CACNA1B: variants seen among roughly 807,000 people sequenced by gnomAD.
CACNA1B encodes calcium voltage-gated channel subunit alpha1 B.
CACNA1B carries 70 observed loss-of-function variants against 247.2 expected under a neutral mutation model. The ratio of observed to expected loss-of-function variants is 0.28; its 90% confidence interval spans 0.23 to 0.35. The LOEUF (loss-of-function observed/expected upper bound fraction) is 0.35, where lower values mean the gene tolerates loss of function less well. CACNA1B is among the 10% of genes least tolerant of loss of function. The pLI is 1.00. For missense variants in CACNA1B, 2,367 were observed against 3,197.4 expected, an observed-to-expected ratio of 0.74 and a Z score of 6.26; for synonymous variants, 1,231 against 1,294.4, an observed-to-expected ratio of 0.95 and a Z score of 1.05.
chr9:138,025,261 G>A (rs1589076870), intron 20 of CACNA1B, 89 bp downstream of exon 20: 1 of 837,712 alleles, frequency 1.2e-6, no homozygotes, highest in East Asian at 2.7e-5. Flanking sequence ...CAGCCACTGG[G>A]GACCCAGCCT....
At position 138,014,290 on chromosome 9, in the gene CACNA1B, C is replaced by T. The variant is rs146401551; in HGVS notation, c.2267+1055C>T. 6.1e-3 allele frequency among the ~76,000 whole-genome samples: 931 copies of T among 152,202 alleles called. 8 individuals carry two copies. The highest frequency in any genetic ancestry group is 0.021 in the African/African-American group (893 of 41,540). ...AGTGCATGTGCTGAGTGTGTGCACC[C>T]CCATACCAGCCCTGATCCTGCCTGG... On this transcript the variant is annotated intron_variant, in intron 18 of 46. Coordinates refer to ENST00000371372, the MANE Select transcript of CACNA1B (RefSeq NM_000718.4). This position sits in a 1 kb window ranked among gnomAD's most constrained non-coding sequence, Gnocchi z 6.2.
intron 18 of CACNA1B, among the ~76,000 whole-genome samples, chr9:138,021,673 G>A (rs776728545): frequency 2.0e-5 from 3 of 152,248 alleles, no homozygotes; most frequent in African/African-American, 7.2e-5. Context: ...GCCTGTGTCT[G>A]ATCCTGACTC....
intron 20 of CACNA1B, among the ~76,000 whole-genome samples, chr9:138,027,872 C>T (rs1452311292): frequency 2.6e-5 from 4 of 151,838 alleles, no homozygotes; most frequent in South Asian, 4.2e-4. Flanking sequence ...TATTTTTAAG[C>T]GAGATGTGTT....
In CACNA1B at chr9:137,919,564, G is replaced by A. The variant is rs72769042; in HGVS notation, c.966+2133G>A. Among the ~76,000 whole-genome samples, 320 of 152,378 alleles carry A rather than the reference G, an allele frequency of 2.1e-3. 3 individuals carry two copies. The highest frequency in any genetic ancestry group is 3.5e-3 in the Non-Finnish European group (236 of 68,042). ...TCACTGGAGATTAGACAGGAGTTTT[G>A]AAGAGGATCCTTTGGAGAGAGCGAG... is the stretch of plus-strand genomic sequence containing the variant. On this transcript the variant is annotated intron_variant, in intron 6 of 46. Coordinates refer to ENST00000371372, the MANE Select transcript of CACNA1B (RefSeq NM_000718.4). The surrounding 1 kb of genome is among the most constrained non-coding windows in gnomAD (Gnocchi z 4.6).
chr9:137,972,356 C>T (rs149547519), intron 11 of CACNA1B, among the ~76,000 whole-genome samples: 2,940 of 152,362 alleles, frequency 0.019, 31 homozygotes, highest in Middle Eastern at 0.034. Flanking sequence ...TGCACTCACC[C>T]TGCTGGGTGT....
chr9:138,088,301 G>A (rs940104467), intron 36 of CACNA1B, among the ~76,000 whole-genome samples: 8 of 151,702 alleles, frequency 5.3e-5, no homozygotes, highest in East Asian at 1.9e-4. Flanking sequence ...CCCAGGAGGC[G>A]GAAGTTGCAG....
chr9:138,087,454 C>T (rs1322854710), intron 36 of CACNA1B, among the ~76,000 whole-genome samples: 6 of 147,516 alleles, frequency 4.1e-5, no homozygotes, highest in South Asian at 2.1e-4. Flanking sequence ...CAGTGGCTCA[C>T]GCCTGTAGTC....
At chr9:138,088,527 G>A (rs1481699912) in intron 36 of CACNA1B, among the ~76,000 whole-genome samples, 1 of 151,968 alleles carries the variant, frequency 6.6e-6, no homozygotes, top group Admixed American at 6.6e-5. Context: ...ATGAACAACT[G>A]TACACCAACA....
chr9:138,084,983 AC>A (rs1960648359), intron 36 of CACNA1B, among the ~76,000 whole-genome samples: 1 of 150,388 alleles, frequency 6.6e-6, no homozygotes, highest in South Asian at 2.1e-4. Flanking sequence ...AGGAAATCTG[AC>A]ATCACCCAAG....
rs115270914 is a variant in CACNA1B at position 137,918,916 on chromosome 9, T to C, written c.966+1485T>C. Among the ~76,000 whole-genome samples, 167 of 152,166 alleles carry C rather than the reference T, an allele frequency of 1.1e-3. 3 individuals are homozygous for C. The highest frequency in any genetic ancestry group is 3.3e-3 in the African/African-American group (136 of 41,502). Reference sequence around the variant, plus strand: ...GGAATGAGGAACAGGACAAAGCCGGTGATGAGGAGCTTGGCTGTTCTCTCT... The same window carrying C: ...GGAATGAGGAACAGGACAAAGCCGGCGATGAGGAGCTTGGCTGTTCTCTCT... On this transcript the variant is annotated intron_variant, in intron 6 of 46. Coordinates refer to ENST00000371372, the MANE Select transcript of CACNA1B (RefSeq NM_000718.4).
At chr9:138,114,317 C>A in intron 40 of CACNA1B, 61 bp from the exon 41 acceptor site, 1 of 842,580 alleles carries the variant, frequency 1.2e-6, no homozygotes, top group Non-Finnish European at 2.0e-6. Flanking sequence ...TACTTCCATA[C>A]CTTGTTTCCG....
intron 6 of CACNA1B, among the ~76,000 whole-genome samples, chr9:137,928,761 C>T (rs1029723535): frequency 1.3e-5 from 2 of 152,174 alleles, no homozygotes; most frequent in Non-Finnish European, 2.9e-5. Flanking sequence ...AAAAGAAGCC[C>T]TGTATCCATG....
intron 15 of CACNA1B, among the ~76,000 whole-genome samples, chr9:138,004,213 A>T (rs1306848847): frequency 6.6e-6 from 1 of 152,008 alleles, no homozygotes; most frequent in African/African-American, 2.4e-5. Flanking sequence ...ATGGAAGGAA[A>T]ACTGTGTGAT....
rs964352574 is a variant in CACNA1B at position 137,957,919 on chromosome 9, C to T, written c.1333+232C>T. Among the ~76,000 whole-genome samples, 1 of 152,206 alleles carries T rather than the reference C, an allele frequency of 6.6e-6. No individual in the cohort carries two copies. Among genetic ancestry groups the T allele is most frequent in the African/African-American group, 2.4e-5 (1 of 41,446 alleles). ...ATAGGGCCACCTCTCTCTTCAGCCCCTGTCTCTTTTTCACTTTCTGGACCT... is the reference window on the plus strand; with the variant it reads ...ATAGGGCCACCTCTCTCTTCAGCCCTTGTCTCTTTTTCACTTTCTGGACCT... On this transcript the variant is annotated intron_variant, in intron 10 of 46. Coordinates refer to ENST00000371372, the MANE Select transcript of CACNA1B (RefSeq NM_000718.4). This position sits in a 1 kb window ranked among gnomAD's most constrained non-coding sequence, Gnocchi z 4.7.
chr9:138,080,402 A>C (rs1458119873), intron 36 of CACNA1B, among the ~76,000 whole-genome samples: 4 of 152,164 alleles, frequency 2.6e-5, no homozygotes, highest in South Asian at 2.1e-4. Flanking sequence ...CTCGGGAGGC[A>C]GTGAGTGATG....
intron 22 of CACNA1B, 27 bp downstream of exon 22, chr9:138,047,060 C>G (rs201291653): frequency 2.5e-6 from 4 of 1,588,998 alleles, no homozygotes; most frequent in Non-Finnish European, 3.4e-6. Flanking sequence ...GCCGGGTCCC[C>G]GCCAGGCTGT....
Position 137,881,064 on chromosome 9 carries a change from A to G in CACNA1B, c.391-1680A>G, listed in dbSNP as rs544525758. Among the ~76,000 whole-genome samples, 7 of 152,200 alleles carry G rather than the reference A, an allele frequency of 4.6e-5. No individual in the cohort carries two copies. Among genetic ancestry groups the G allele is most frequent in the Admixed American group, 3.3e-4 (5 of 15,290 alleles). On this transcript the variant is annotated intron_variant, in intron 2 of 46. Coordinates refer to ENST00000371372, the MANE Select transcript of CACNA1B (RefSeq NM_000718.4). This position sits in a 1 kb window ranked among gnomAD's most constrained non-coding sequence, Gnocchi z 4.3. ...CGGGCTGGGGGCTCCTTCCCAGCTG[A>G]GGGTGCTGGCTGGTCCTTCCTAGGC...
Position 138,012,973 on chromosome 9 carries a change from A to C in CACNA1B, c.2161-156A>C, listed in dbSNP as rs937866643. Among the ~76,000 whole-genome samples, 3 of 152,092 alleles carry C rather than the reference A, an allele frequency of 2.0e-5. No homozygotes were observed. Among genetic ancestry groups the C allele is most frequent in the Non-Finnish European group, 4.4e-5 (3 of 68,010 alleles). Reference sequence around the variant, plus strand: ...TGTGGAACAGGTCGTGGGGGGCCACATTCACTCAGGGGTTGGCTGCCTGTC... The same window carrying C: ...TGTGGAACAGGTCGTGGGGGGCCACCTTCACTCAGGGGTTGGCTGCCTGTC... On this transcript the variant is annotated intron_variant, in intron 17 of 46. Transcript: ENST00000371372. The surrounding 1 kb of genome is among the most constrained non-coding windows in gnomAD (Gnocchi z 4.2).
intron 36 of CACNA1B, among the ~76,000 whole-genome samples, chr9:138,091,229 T>G (rs1016941520): frequency 1.3e-5 from 2 of 152,216 alleles, no homozygotes; most frequent in African/African-American, 4.8e-5. Flanking sequence ...ATTCTGCCGC[T>G]TGTGGCAACA....
Sources: allele counts gnomAD v4.1 joint callset (sites outside exome capture counted in the v4.1 genomes callset), GRCh38; gene constraint gnomAD v4.1.1; non-coding constraint Gnocchi (gnomAD v3.1); transcripts MANE v1.5; gene names NCBI Gene and HGNC (gene_info 2026-07-23, HGNC 2026-07-21).